TARS2: variants seen among roughly 807,000 people sequenced by gnomAD.
TARS2 encodes threonyl-tRNA synthetase 2, mitochondrial.
Under a neutral mutation model 94.4 loss-of-function variants are expected in TARS2, and 61 were observed. The ratio of observed to expected loss-of-function variants is 0.65; its 90% confidence interval spans 0.53 to 0.80. The LOEUF (loss-of-function observed/expected upper bound fraction) is 0.80. Ranked by LOEUF, TARS2 falls within the 30% of genes least tolerant of loss-of-function variation. The pLI, the probability that TARS2 is intolerant of heterozygous loss-of-function variation, is 0.00. For synonymous variants in TARS2, 359 were observed against 353.4 expected, an observed-to-expected ratio of 1.02 and a Z score of -0.18; for missense variants, 704 against 902.5, an observed-to-expected ratio of 0.78 and a Z score of 2.82.
intron 3 of TARS2, chr1:150,489,322 G>GA (rs1189705309): frequency 3.8e-6 from 2 of 526,316 alleles, no homozygotes; most frequent in South Asian, 2.0e-5. Flanking sequence ...ATGATATGTT[G>GA]AAAAAACGAA....
rs767276893 is a variant in TARS2, at chr1:150,504,614, C to CT, written c.1719-18_1719-17insT. 9 of 1,612,332 alleles carry CT rather than the reference C, an allele frequency of 5.6e-6. No homozygotes were observed. Among genetic ancestry groups the CT allele is most frequent in the South Asian group, 3.3e-5 (3 of 91,008 alleles). On this transcript the variant is annotated splice_polypyrimidine_tract_variant and intron_variant, in intron 14 of 17. Coordinates refer to ENST00000369064, the MANE Select transcript of TARS2 (RefSeq NM_025150.5). Reference sequence around the variant, plus strand: ...ATACTTCCACCATTCCATCCACCCCCCCCTTTTTCCTTTCAAGGCAGGCGG... The same window carrying CT: ...ATACTTCCACCATTCCATCCACCCCCTCCCTTTTTCCTTTCAAGGCAGGCGG...
chr1:150,496,357 A>T, intron 7 of TARS2, 125 bp from the exon 8 acceptor site: 1 of 1,137,306 alleles, frequency 8.8e-7, no homozygotes, highest in Non-Finnish European at 1.2e-6. Flanking sequence ...TGTTCATCCT[A>T]CTGGTGGGAT....
chr1:150,489,785 T>C (rs1481521861), intron 3 of TARS2, among the ~76,000 whole-genome samples: 1 of 151,988 alleles, frequency 6.6e-6, no homozygotes, highest in Non-Finnish European at 1.5e-5. Context: ...CTACTAAAAA[T>C]ACAAAAATTA....
In TARS2 at chr1:150,498,599, G is replaced by C; in HGVS notation, c.1336G>C (p.Gly446Arg). 1.2e-6 allele frequency: 2 copies of C among 1,612,450 alleles called. No individual in the cohort carries two copies. The highest frequency in any genetic ancestry group is 1.3e-5 in the African/African-American group (1 of 74,918). The change falls in exon 11 of 18, where the codon GGG becomes CGG. Residue 446 changes from glycine (G) to arginine (R), a missense_variant. Around this residue, in one of 3 missense-constraint regions of TARS2, gnomAD observed 466 missense variants for 609.5 expected, o/e 0.76. Coordinates refer to ENST00000369064, the MANE Select transcript of TARS2 (RefSeq NM_025150.5). ...LHRAEASGGL[G>R]GLTRLRCFQQ... Reference sequence around the variant, plus strand: ...CCGGGCCGAAGCCTCTGGTGGTCTGGGGGGACTGACCCGACTGCGGTGCTT... The same window carrying C: ...CCGGGCCGAAGCCTCTGGTGGTCTGCGGGGACTGACCCGACTGCGGTGCTT...
intron 7 of TARS2, among the ~76,000 whole-genome samples, chr1:150,495,888 T>C (rs1669643007): frequency 6.6e-6 from 1 of 151,426 alleles, no homozygotes; most frequent in South Asian, 2.1e-4. Context: ...CCCAGTTAAT[T>C]TTTTTGTATT....
chr1:150,490,649 T>G lies in TARS2; in HGVS notation c.436T>G (p.Phe146Val). The G allele has an allele frequency of 6.2e-7, 1 of 1,614,016 alleles. No individual in the cohort carries two copies. The highest frequency in any genetic ancestry group is 8.5e-7 in the Non-Finnish European group (1 of 1,180,006). ...TGTCCTGGGGGCAGCAGCTGAACAA[T>G]TCCTAGGTGCTGTTCTCTGCAGAGG... Reference protein sequence around the residue: ...THVLGAAAEQFLGAVLCRGPS... With the variant: ...THVLGAAAEQVLGAVLCRGPS... Residue 146 changes from phenylalanine to valine, a missense_variant, in exon 4 of 18, where the codon TTC becomes GTC. Physicochemically the swap from Phe to Val is conservative, Grantham distance 50 (BLOSUM62 -1). Coordinates refer to ENST00000369064, the MANE Select transcript of TARS2 (RefSeq NM_025150.5).
At chr1:150,506,404 T>TG (rs1333658969) in intron 17 of TARS2, among the ~76,000 whole-genome samples, 1 of 151,406 alleles carries the variant, frequency 6.6e-6, no homozygotes, top group Non-Finnish European at 1.5e-5. Flanking sequence ...TCAGAGTGGT[T>TG]GGGGGGAGGC....
At chr1:150,492,809 CAAAAA>C (rs750302051) in intron 7 of TARS2, among the ~76,000 whole-genome samples, 1 of 67,280 alleles carries the variant, frequency 1.5e-5, no homozygotes, top group African/African-American at 5.2e-5. Flanking sequence ...GAGTCCATCT[CAAAAA>C]AAAAAAAAAA....
chr1:150,487,785 A>G (rs1669214108), intron 1 of TARS2, 73 bp from the exon 2 acceptor site: 11 of 1,555,106 alleles, frequency 7.1e-6, no homozygotes, highest in Non-Finnish European at 9.6e-6. Context: ...AACCATCCCA[A>G]AGTGCCATCA....
At chr1:150,499,844 A>T (rs904303433) in intron 13 of TARS2, among the ~76,000 whole-genome samples, 1 of 151,886 alleles carries the variant, frequency 6.6e-6, no homozygotes, top group Non-Finnish European at 1.5e-5. Context: ...TTACTCGGGG[A>T]GGTTACAAAA....
In TARS2 at chr1:150,507,109, C is replaced by T. The variant is rs770008400; in HGVS notation, c.*45C>T. The T allele has an allele frequency of 5.0e-6, 8 of 1,608,986 alleles. No individual in the cohort carries two copies. Among genetic ancestry groups the T allele is most frequent in the Non-Finnish European group, 6.8e-6 (8 of 1,177,316 alleles). On this transcript the variant is annotated 3_prime_UTR_variant, in exon 18 of 18. Transcript: ENST00000369064. ...GCAAAAACCTGCGAGTGCCATCAGCCTCCCTCACATGGGAGACCCCAACCC... is the reference window on the plus strand; with the variant it reads ...GCAAAAACCTGCGAGTGCCATCAGCTTCCCTCACATGGGAGACCCCAACCC...
chr1:150,504,616 C>CA lies in TARS2; in HGVS notation c.1719-16_1719-15insA. On this transcript the variant is annotated splice_polypyrimidine_tract_variant and intron_variant, in intron 14 of 17. Coordinates refer to ENST00000369064, the MANE Select transcript of TARS2 (RefSeq NM_025150.5). ...ACTTCCACCATTCCATCCACCCCCC[C>CA]CTTTTTCCTTTCAAGGCAGGCGGGT... The CA allele has an allele frequency of 1.9e-6, 3 of 1,612,836 alleles. No homozygotes were observed. Among genetic ancestry groups the CA allele is most frequent in the Non-Finnish European group, 2.5e-6 (3 of 1,179,034 alleles).
At chr1:150,501,795 T>A (rs1669933705) in intron 13 of TARS2, among the ~76,000 whole-genome samples, 1 of 151,978 alleles carries the variant, frequency 6.6e-6, no homozygotes, top group Non-Finnish European at 1.5e-5. Context: ...CCAGCTTGGG[T>A]AACAGAACAA....
chr1:150,491,534 C>A (rs199676663), intron 5 of TARS2, 23 bp downstream of exon 5: 29 of 1,613,974 alleles, frequency 1.8e-5, no homozygotes, highest in Non-Finnish European at 9.3e-6. Context: ...GAAGAGGTGG[C>A]TCTTCCAGGA....
Position 150,487,484 on chromosome 1 carries a change from C to T in TARS2, c.34C>T (p.Leu12Phe), listed in dbSNP as rs960145964. Residue 12 changes from leucine (L) to phenylalanine (F), a missense_variant, in exon 1 of 18, where the codon CTC becomes TTC. Transcript: ENST00000369064. ...ALYQRWRCLR[L>F]QGLQACRLHT... is the part of the protein sequence containing the mutation. Reference sequence around the variant, plus strand: ...GTATCAGAGGTGGCGGTGTCTCCGGCTCCAAGGTTTACAGGCTTGCAGGCT... The same window carrying T: ...GTATCAGAGGTGGCGGTGTCTCCGGTTCCAAGGTTTACAGGCTTGCAGGCT... 1.6e-5 allele frequency: 26 copies of T among 1,614,128 alleles called. No individual in the cohort carries two copies. The highest frequency in any genetic ancestry group is 2.2e-5 in the Non-Finnish European group (26 of 1,180,052).
In TARS2 at chr1:150,507,333, G is replaced by T. The variant is rs1299577858; in HGVS notation, c.*269G>T. 4 of 347,282 alleles carry T rather than the reference G, an allele frequency of 1.2e-5. No homozygotes were observed. Among genetic ancestry groups the T allele is most frequent in the South Asian group, 1.1e-4 (3 of 26,362 alleles). The allele number at this position is 347,282 out of a possible 1,614,324, so 21.5% of individuals were successfully genotyped here. ...GCCTGTAATCCCAGCACTCTGGGAG[G>T]CTGAGGCGGACGGATCATGAGGTCA... On this transcript the variant is annotated 3_prime_UTR_variant, in exon 18 of 18. Coordinates refer to ENST00000369064, the MANE Select transcript of TARS2 (RefSeq NM_025150.5).
intron 13 of TARS2, among the ~76,000 whole-genome samples, chr1:150,503,945 C>T (rs1670082578): frequency 6.7e-6 from 1 of 149,944 alleles, no homozygotes; most frequent in Admixed American, 6.7e-5. Flanking sequence ...AGCTGGCTGA[C>T]CAAGAGACAG....
In TARS2 at chr1:150,504,335, A is replaced by T; in HGVS notation, c.1618A>T (p.Ile540Phe). The change falls in exon 14 of 18, where the codon ATT (isoleucine) becomes TTT (phenylalanine). Residue 540 changes from isoleucine (I) to phenylalanine (F), a missense_variant and splice_region_variant. Transcript: ENST00000369064. ...GTGCCTTCCCATCTGTTTCCTGTAG[A>T]TTGACGTGCACCTCCACGATGCCCT... ...SGDGAFYGPK[I>F]DVHLHDALGR... 1 of 1,614,002 alleles carries T rather than the reference A, an allele frequency of 6.2e-7. No individual in the cohort carries two copies. Among genetic ancestry groups the T allele is most frequent in the Non-Finnish European group, 8.5e-7 (1 of 1,179,990 alleles).
intron 9 of TARS2, 49 bp from the exon 10 acceptor site, chr1:150,497,481 C>T (rs1458777035): frequency 6.3e-7 from 1 of 1,579,930 alleles, no homozygotes; most frequent in African/African-American, 1.3e-5. Flanking sequence ...ACCCTACCTG[C>T]TTTCCTTCCA....
Sources: allele counts gnomAD v4.1 joint callset (sites outside exome capture counted in the v4.1 genomes callset), GRCh38; gene constraint gnomAD v4.1.1; regional missense constraint gnomAD v4.1.1; transcripts MANE v1.5; gene names NCBI Gene and HGNC (gene_info 2026-07-23, HGNC 2026-07-21).